Variants in PIK3C2G observed in about 807,000 individuals in gnomAD.
The protein encoded by PIK3C2G is phosphatidylinositol-4-phosphate 3-kinase catalytic subunit type 2 gamma.
Under a neutral mutation model 181.1 loss-of-function variants are expected in PIK3C2G, and 168 were observed. That is an observed-to-expected ratio of 0.93 (90% CI 0.82 to 1.05). The LOEUF (loss-of-function observed/expected upper bound fraction) is 1.05. Among genes scored for constraint, PIK3C2G ranks in the 50% least tolerant of loss-of-function variants. The pLI, the probability that PIK3C2G is intolerant of heterozygous loss-of-function variation, is 0.00. For missense variants in PIK3C2G, 1,869 were observed against 1,732.8 expected (o/e 1.08, Z -1.40); for synonymous variants, 573 against 592.2 (o/e 0.97, Z 0.47).
In PIK3C2G at chr12:18,620,531, T is replaced by C. The variant is rs200068361; in HGVS notation, c.4182+10902T>C. ...ATAGATAAATGATTAGACAGACAGA[T>C]AGATAGATAGATAGATAGATAGATA... On this transcript the variant is annotated intron_variant, in intron 31 of 32. Coordinates refer to ENST00000538779, the MANE Select transcript of PIK3C2G (RefSeq NM_001288772.2). 5.1e-4 allele frequency among the ~76,000 whole-genome samples: 48 copies of C among 93,506 alleles called. 2 individuals carry two copies. In the South Asian group the frequency reaches 7.5e-3, roughly 15 times the overall value. 61.3% of individuals were successfully genotyped at this position (93,506 alleles called of 152,430 possible).
At chr12:18,262,955 A>C (rs998270937) in intron 1 of PIK3C2G, among the ~76,000 whole-genome samples, 2 of 152,186 alleles carry the variant, frequency 1.3e-5, no homozygotes, top group Non-Finnish European at 2.9e-5. Context: ...ATAGCAAAAT[A>C]TGATTAAATT....
chr12:18,564,810 A>G (rs1230738016), intron 28 of PIK3C2G, among the ~76,000 whole-genome samples: 2 of 152,182 alleles, frequency 1.3e-5, no homozygotes, highest in Non-Finnish European at 2.9e-5. Context: ...ATGATACCCT[A>G]CTAATTAATA....
intron 29 of PIK3C2G, among the ~76,000 whole-genome samples, chr12:18,579,418 T>G (rs10841044): frequency 0.093 from 14,152 of 152,238 alleles, 854 homozygotes; most frequent in Non-Finnish European, 0.14. Context: ...TAAAGAGACT[T>G]CTTTAAAGGC....
intron 31 of PIK3C2G, among the ~76,000 whole-genome samples, chr12:18,635,503 G>T (rs117717041): frequency 6.6e-6 from 1 of 152,188 alleles, no homozygotes; most frequent in African/African-American, 2.4e-5. Flanking sequence ...CCACGGTTGA[G>T]CATTCAGTCA....
At chr12:18,601,403 G>A (rs1947705092) in intron 30 of PIK3C2G, among the ~76,000 whole-genome samples, 1 of 152,032 alleles carries the variant, frequency 6.6e-6, no homozygotes, top group Admixed American at 6.6e-5. Flanking sequence ...CTCATATGTG[G>A]AAGCTTAAAA....
At chr12:18,634,246 A>G (rs1457934587) in intron 31 of PIK3C2G, among the ~76,000 whole-genome samples, 1 of 152,154 alleles carries the variant, frequency 6.6e-6, no homozygotes, top group Non-Finnish European at 1.5e-5. Context: ...ATCATAAACA[A>G]TGAGGTCCAA....
intron 24 of PIK3C2G, among the ~76,000 whole-genome samples, chr12:18,532,883 GTTTT>G (rs139779917): frequency 8.0e-6 from 1 of 124,960 alleles, no homozygotes; most frequent in Admixed American, 8.0e-5. Flanking sequence ...AAAGTTTGCT[GTTTT>G]TTTTTTTTTT....
chr12:18,660,476 T>G, the PIK3C2G span, among the ~76,000 whole-genome samples: 1 of 152,204 alleles, frequency 6.6e-6, no homozygotes, highest in African/African-American at 2.4e-5. Context: ...GTTTTTCTCC[T>G]TTTCCCCTTT....
At chr12:18,518,501 G>A (rs910172014) in intron 24 of PIK3C2G, among the ~76,000 whole-genome samples, 10 of 152,116 alleles carry the variant, frequency 6.6e-5, no homozygotes, top group African/African-American at 2.4e-4. Context: ...GTTTCTTCTA[G>A]ATTTTCTAGT....
At chr12:18,719,584 T>A in the PIK3C2G span, 2 of 1,606,618 alleles carry the variant, frequency 1.2e-6, no homozygotes, top group Non-Finnish European at 1.7e-6. Flanking sequence ...TTCACGTGAA[T>A]CCATGTATCT....
intron 24 of PIK3C2G, among the ~76,000 whole-genome samples, chr12:18,527,563 T>C (rs1342116508): frequency 6.6e-6 from 1 of 152,182 alleles, no homozygotes; most frequent in Non-Finnish European, 1.5e-5. Context: ...GCATTGTTAA[T>C]GTTTTCCTCA....
chr12:18,357,113 A>T (rs968904954), intron 11 of PIK3C2G, among the ~76,000 whole-genome samples: 2 of 152,180 alleles, frequency 1.3e-5, no homozygotes, highest in African/African-American at 2.4e-5. Context: ...TATAAAAACT[A>T]AAAAAAGATA....
the PIK3C2G span, among the ~76,000 whole-genome samples, chr12:18,712,411 A>G: frequency 6.6e-6 from 1 of 152,168 alleles, no homozygotes; most frequent in Non-Finnish European, 1.5e-5. Context: ...TTCTTACTAT[A>G]TCAATAGCTG....
intron 14 of PIK3C2G, among the ~76,000 whole-genome samples, chr12:18,384,498 G>T (rs1276602113): frequency 6.6e-6 from 1 of 152,112 alleles, no homozygotes; most frequent in Non-Finnish European, 1.5e-5. Context: ...AACCACCTTA[G>T]CTTAATGAAA....
intron 18 of PIK3C2G, among the ~76,000 whole-genome samples, chr12:18,476,801 T>G (rs1939049225): frequency 6.6e-6 from 1 of 151,938 alleles, no homozygotes; most frequent in Non-Finnish European, 1.5e-5. Flanking sequence ...AAATCAGACA[T>G]GTTAAGGTTA....
At chr12:18,359,223 C>A (rs532932001) in intron 11 of PIK3C2G, among the ~76,000 whole-genome samples, 12 of 152,276 alleles carry the variant, frequency 7.9e-5, no homozygotes, top group Non-Finnish European at 1.6e-4. Context: ...TGTTTAATTT[C>A]CACCTATTTG....
intron 1 of PIK3C2G, among the ~76,000 whole-genome samples, chr12:18,261,933 T>C (rs893750084): frequency 6.6e-6 from 1 of 152,132 alleles, no homozygotes; most frequent in Non-Finnish European, 1.5e-5. Context: ...TTCATTCATG[T>C]CTACTGGTAG....
At chr12:18,375,241 A>G (rs1223210825) in intron 13 of PIK3C2G, among the ~76,000 whole-genome samples, 1 of 152,224 alleles carries the variant, frequency 6.6e-6, no homozygotes, top group Non-Finnish European at 1.5e-5. Context: ...AGACTCTGTA[A>G]AGGCTGACAA....
chr12:18,539,218 C>G (rs1431843815), intron 25 of PIK3C2G, among the ~76,000 whole-genome samples: 1 of 151,810 alleles, frequency 6.6e-6, no homozygotes, highest in Admixed American at 6.6e-5. Context: ...ATGTTAACCC[C>G]CAAAAGACTA....
Sources: allele counts gnomAD v4.1 joint callset (sites outside exome capture counted in the v4.1 genomes callset), GRCh38; gene constraint gnomAD v4.1.1; transcripts MANE v1.5; gene names NCBI Gene and HGNC (gene_info 2026-07-23, HGNC 2026-07-21).